The following FIGNL2 variants were observed in gnomAD, a reference collection of about 807,000 sequenced individuals.
FIGNL2 encodes the protein fidgetin-like protein 2.
For synonymous variants in FIGNL2, 565 were observed against 484.0 expected (o/e 1.17, Z -2.20); for missense variants, 1,060 against 950.2 (o/e 1.12, Z -1.52).
At chr12:51,837,609 A>T (rs303789) in intron 1 of FIGNL2, among the ~76,000 whole-genome samples, 1 of 152,092 alleles carries the variant, frequency 6.6e-6, no homozygotes, top group African/African-American at 2.4e-5. Context: ...TCTCCTCCCC[A>T]CCCCCTTCTT....
chr12:51,821,590 T>G lies in FIGNL2; in HGVS notation c.824A>C (p.Glu275Ala). The change falls in exon 2 of 2, where the codon GAG (glutamate) becomes GCG (alanine). Residue 275 changes from glutamate to alanine, a missense_variant. Glu to Ala is a moderately radical substitution (Grantham distance 107, BLOSUM62 -1). Transcript: ENST00000618634. ...LKRKAADEGP[E>A]GRYRKYAYEP... ...GTACGCGTACTTGCGGTAGCGGCCCTCGGGCCCCTCGTCGGCGGCCTTGCG... is the reference window on the plus strand; with the variant it reads ...GTACGCGTACTTGCGGTAGCGGCCCGCGGGCCCCTCGTCGGCGGCCTTGCG... The G allele has an allele frequency of 6.6e-7, 1 of 1,511,014 alleles. No individual in the cohort carries two copies. Among genetic ancestry groups the G allele is most frequent in the Non-Finnish European group, 8.8e-7 (1 of 1,136,020 alleles). 93.6% of individuals were successfully genotyped at this position (1,511,014 alleles called of 1,614,324 possible).
In FIGNL2 at chr12:51,820,875, C is replaced by A. The variant is rs2138968317; in HGVS notation, c.1539G>T (p.Pro513=). ...AGCCCCCGTCCAGGCAGGCCAGGAG[C>A]GGCACCTGCAGCGCGCCCCCTGCCG... ...GAAAGGALQV[P]LLACLDGGCG... Residue 513 remains proline, a synonymous_variant, in exon 2 of 2, where the codon CCG becomes CCT. Transcript: ENST00000618634. The A allele has an allele frequency of 7.2e-7, 1 of 1,391,604 alleles. No individual in the cohort carries two copies. Among genetic ancestry groups the A allele is most frequent in the East Asian group, 3.1e-5 (1 of 32,116 alleles). 86.2% of individuals were successfully genotyped at this position (1,391,604 alleles called of 1,614,324 possible).
chr12:51,845,501 G>C, intron 1 of FIGNL2: 2 of 985,456 alleles, frequency 2.0e-6, no homozygotes, highest in Non-Finnish European at 2.4e-6. Context: ...GGGGTCTCAG[G>C]GCTGCAGAGC....
At chr12:51,846,895 G>A (rs1939762911) in intron 1 of FIGNL2, 4 of 730,750 alleles carry the variant, frequency 5.5e-6, no homozygotes, top group South Asian at 1.2e-4. Flanking sequence ...GGATGCCAAT[G>A]GAATCAAGTG....
chr12:51,848,082 C>CA (rs1939790717), intron 1 of FIGNL2: 133 of 942,196 alleles, frequency 1.4e-4, no homozygotes, highest in Non-Finnish European at 1.5e-4. Context: ...CCCCACCCCT[C>CA]CCACACACAC....
chr12:51,820,937 G>T lies in FIGNL2; in HGVS notation c.1477C>A (p.Leu493Ile). ...RPPSVLLISE[L>I]EALLPARDDG... ...TCCCGGGCGGGGAGCAGCGCCTCTA[G>T]CTCGCTGATGAGGAGTACGGAGGGT... Residue 493 changes from leucine to isoleucine, a missense_variant, in exon 2 of 2, where the codon CTA becomes ATA. Transcript: ENST00000618634. 7.6e-7 allele frequency: 1 copy of T among 1,307,676 alleles called. No homozygotes were observed. Among genetic ancestry groups the T allele is most frequent in the Non-Finnish European group, 9.6e-7 (1 of 1,036,456 alleles). The allele number at this position is 1,307,676 out of a possible 1,614,324, so 81.0% of individuals were successfully genotyped here. A position where few individuals can be genotyped will look rare whatever the true frequency, so the allele number is the denominator to read the frequency against.
chr12:51,836,106 C>T (rs1006524275), intron 1 of FIGNL2, among the ~76,000 whole-genome samples: 2 of 152,146 alleles, frequency 1.3e-5, no homozygotes, highest in Non-Finnish European at 2.9e-5. Context: ...CCACCGTGCC[C>T]TGCAGGCTTC....
chr12:51,819,362 C>G lies in FIGNL2; in HGVS notation c.*1090G>C, dbSNP rs1402723511. ...AATAAGGCCTCCCTTCTCTCAAACC[C>G]CACAGCCCACTCCCCACATTCATGC... On this transcript the variant is annotated 3_prime_UTR_variant, in exon 2 of 2. Transcript: ENST00000618634. The G allele has an allele frequency of 6.6e-6, 1 of 152,664 alleles. No individual in the cohort carries two copies. Among genetic ancestry groups the G allele is most frequent in the East Asian group, 1.9e-4 (1 of 5,190 alleles). 9.5% of individuals were successfully genotyped at this position (152,664 alleles called of 1,614,324 possible).
intron 1 of FIGNL2, chr12:51,831,778 T>A: frequency 6.5e-6 from 1 of 154,534 alleles, no homozygotes; most frequent in Middle Eastern, 5.2e-4. Flanking sequence ...CCCTCTCTGC[T>A]GGGTCACTCT....
Position 51,821,549 on chromosome 12 carries a change from G to A in FIGNL2, c.865C>T (p.Pro289Ser), listed in dbSNP as rs1408451568. 6.4e-7 allele frequency: 1 copy of A among 1,551,510 alleles called. No homozygotes were observed. The highest frequency in any genetic ancestry group is 8.6e-7 in the Non-Finnish European group (1 of 1,157,376). ...RKYAYEPAKAPVADGASYPAA... is the reference protein window; with the variant it reads ...RKYAYEPAKASVADGASYPAA... ...GGGTAGGAGGCTCCGTCAGCCACGG[G>A]GGCCTTGGCGGGCTCGTACGCGTAC... is the stretch of plus-strand genomic sequence containing the variant. The change falls in exon 2 of 2, where the codon CCC (proline) becomes TCC (serine). Residue 289 changes from proline to serine, a missense_variant. By Grantham distance (74) the Pro-to-Ser change is moderately conservative (BLOSUM62 -1). Transcript: ENST00000618634.
intron 1 of FIGNL2, among the ~76,000 whole-genome samples, chr12:51,834,637 G>A (rs2138992955): frequency 6.6e-6 from 1 of 152,340 alleles, no homozygotes; most frequent in South Asian, 2.1e-4. Context: ...GGTCGGCCTG[G>A]GAGAAGCTGG....
chr12:51,822,135 T>A lies in FIGNL2; in HGVS notation c.279A>T (p.Lys93Asn). Residue 93 changes from lysine (K) to asparagine (N), a missense_variant, in exon 2 of 2, where the codon AAA becomes AAT. Transcript: ENST00000618634. ...YSDASFLNGA[K>N]GDPEPWPGPE... ...GCCCTGGCCAGGGCTCGGGATCCCC[T>A]TTGGCGCCGTTGAGGAAGGAGGCGT... The A allele has an allele frequency of 6.2e-7, 1 of 1,611,034 alleles. No homozygotes were observed. The highest frequency in any genetic ancestry group is 8.5e-7 in the Non-Finnish European group (1 of 1,178,810).
intron 1 of FIGNL2, chr12:51,844,913 G>A (rs2139003614): frequency 1.0e-6 from 1 of 981,324 alleles, no homozygotes; most frequent in Non-Finnish European, 1.2e-6. Context: ...GCCATGGAGT[G>A]AGCACTGAGT....
intron 1 of FIGNL2, among the ~76,000 whole-genome samples, chr12:51,837,162 T>C (rs1440744966): frequency 6.6e-6 from 1 of 152,062 alleles, no homozygotes. Flanking sequence ...TTAAGCATTC[T>C]GGGGCACAGA....
rs769371146 is a variant in FIGNL2 at position 51,829,788 on chromosome 12, AGAAG to A, written c.-11-7368_-11-7365del. Among the ~76,000 whole-genome samples the A allele has an allele frequency of 3.0e-3, 456 of 150,982 alleles. 4 individuals carry two copies. Among genetic ancestry groups the A allele is most frequent in the Middle Eastern group, 3.4e-3 (1 of 294 alleles). ...GGGAGGGAAGGGAAGAGAGGAAAAA[AGAAG>A]GAAGGAAGGAAGGGAGAAAAGGAAG... On this transcript the variant is annotated intron_variant, in intron 1 of 1. Coordinates refer to ENST00000618634, the MANE Select transcript of FIGNL2 (RefSeq NM_001384995.1).
rs547413736 is a variant in FIGNL2, at chr12:51,843,138, G to GA, written c.-12+5401dup. Among the ~76,000 whole-genome samples the GA allele has an allele frequency of 1.0e-3, 156 of 152,340 alleles. 1 individual carries two copies. The highest frequency in any genetic ancestry group is 1.3e-3 in the Non-Finnish European group (89 of 68,032). On this transcript the variant is annotated intron_variant, in intron 1 of 1. Coordinates refer to ENST00000618634, the MANE Select transcript of FIGNL2 (RefSeq NM_001384995.1). ...CATAGGTGTCCACTGCATGTGTGGG[G>GA]AGGCTCAGGAAGGCCAATCCTGGCT... is the stretch of plus-strand genomic sequence containing the variant.
intron 1 of FIGNL2, chr12:51,841,411 G>T (rs573317182): frequency 6.6e-6 from 1 of 152,254 alleles, no homozygotes; most frequent in Non-Finnish European, 1.5e-5. Context: ...ACTGAGGCTC[G>T]ATTAACTTGT....
intron 1 of FIGNL2, among the ~76,000 whole-genome samples, chr12:51,829,711 T>C (rs1416692354): frequency 6.6e-6 from 1 of 150,960 alleles, no homozygotes; most frequent in African/African-American, 2.4e-5. Context: ...GCCTGCAGAC[T>C]TGATCAGCTA....
chr12:51,824,267 CTTTGAAAGTGGGT>C (rs1462434963), intron 1 of FIGNL2: 22 of 152,276 alleles, frequency 1.4e-4, no homozygotes, highest in African/African-American at 5.3e-4. Flanking sequence ...GTCACCAGAG[CTTTGAAAGTGGGT>C]GTATATAGTC....
Sources: gnomAD v4.1 joint callset for allele counts (sites outside exome capture counted in the v4.1 genomes callset) on GRCh38, gnomAD v4.1.1 for gene constraint, MANE v1.5 for transcripts, NCBI Gene and HGNC (gene_info 2026-07-23, HGNC 2026-07-21) for gene names.